GRHL1: variants seen among roughly 807,000 people sequenced by gnomAD.
GRHL1 encodes grainyhead-like protein 1 homolog.
Under a neutral mutation model 75.7 loss-of-function variants are expected in GRHL1, and 38 were observed. The ratio of observed to expected loss-of-function variants is 0.50; its 90% CI spans 0.39 to 0.66. The LOEUF is 0.66. Among genes scored for constraint, GRHL1 ranks in the 30% least tolerant of loss-of-function variants. The pLI is 0.00. For missense variants in GRHL1, 589 were observed against 767.5 expected, an observed-to-expected ratio of 0.77 and a Z score of 2.75; for synonymous variants, 266 against 279.4, an observed-to-expected ratio of 0.95 and a Z score of 0.48.
chr2:9,959,709 A>G (rs528280008), intron 3 of GRHL1: 3 of 152,366 alleles, frequency 2.0e-5, no homozygotes, highest in South Asian at 2.1e-4. Flanking sequence ...TATCAACACA[A>G]TTCCTCTTGT....
chr2:10,001,813 G>A lies in GRHL1; in HGVS notation c.*1106G>A, dbSNP rs1218413414. 6.6e-6 allele frequency: 1 copy of A among 152,300 alleles called. No homozygotes were observed. Among genetic ancestry groups the A allele is most frequent in the East Asian group, 1.9e-4 (1 of 5,196 alleles). 9.4% of individuals were successfully genotyped at this position (152,300 alleles called of 1,614,324 possible). ...AGATTGCAAGTATTGCGTACCAAGT[G>A]ATACAACTCGAAATGCAGTTCTCAT... On this transcript the variant is annotated 3_prime_UTR_variant, in exon 16 of 16. Transcript: ENST00000324907.
chr2:9,969,349 C>T (rs897359620), intron 8 of GRHL1, among the ~76,000 whole-genome samples: 1 of 152,198 alleles, frequency 6.6e-6, no homozygotes, highest in African/African-American at 2.4e-5. Flanking sequence ...AAAAAGCACC[C>T]AGTACTCCAT....
chr2:9,971,653 A>C (rs983246444), intron 8 of GRHL1, among the ~76,000 whole-genome samples: 1 of 152,230 alleles, frequency 6.6e-6, no homozygotes, highest in Non-Finnish European at 1.5e-5. Flanking sequence ...AAAATAAACA[A>C]TGAAATGTTT....
At chr2:9,979,669 T>C (rs1189589268) in intron 8 of GRHL1, among the ~76,000 whole-genome samples, 1 of 152,208 alleles carries the variant, frequency 6.6e-6, no homozygotes, top group African/African-American at 2.4e-5. Flanking sequence ...TTAAGACTAA[T>C]ATTTGGATGT....
At chr2:9,976,389 C>T (rs1044440937) in intron 8 of GRHL1, among the ~76,000 whole-genome samples, 14 of 152,174 alleles carry the variant, frequency 9.2e-5, no homozygotes, top group African/African-American at 3.1e-4. Context: ...TTGATGTCTT[C>T]TGAGCCAGGA....
intron 8 of GRHL1, among the ~76,000 whole-genome samples, chr2:9,976,019 A>C (rs2125225472): frequency 6.6e-6 from 1 of 152,292 alleles, no homozygotes; most frequent in Admixed American, 6.5e-5. Context: ...GGTGTTTTTG[A>C]GGGTCAAAGA....
chr2:10,001,752 C>G lies in GRHL1; in HGVS notation c.*1045C>G, dbSNP rs1391458889. 6.6e-6 allele frequency: 1 copy of G among 152,238 alleles called. No individual in the cohort carries two copies. The highest frequency in any genetic ancestry group is 2.4e-5 in the African/African-American group (1 of 41,454). The allele number at this position is 152,238 out of a possible 1,614,324, so 9.4% of individuals were successfully genotyped here. Reference sequence around the variant, plus strand: ...TTGTTATGCTAGTATCAGTCAGATGCACTTAGAGTGAAGAAACACTGTAAT... The same window carrying G: ...TTGTTATGCTAGTATCAGTCAGATGGACTTAGAGTGAAGAAACACTGTAAT... On this transcript the variant is annotated 3_prime_UTR_variant, in exon 16 of 16. Transcript: ENST00000324907.
At chr2:9,999,706 G>A (rs1669188621) in intron 15 of GRHL1, among the ~76,000 whole-genome samples, 1 of 152,072 alleles carries the variant, frequency 6.6e-6, no homozygotes, top group Admixed American at 6.5e-5. Flanking sequence ...GTTCTTTTTT[G>A]TCTGTCTATG....
chr2:9,955,183 T>A, intron 2 of GRHL1, 82 bp downstream of exon 2: 1 of 889,210 alleles, frequency 1.1e-6, no homozygotes, highest in Non-Finnish European at 1.7e-6. Flanking sequence ...CATTTGCTGG[T>A]AGAATGCCAT....
At chr2:9,988,498 G>A (rs977105611) in intron 9 of GRHL1, among the ~76,000 whole-genome samples, 26 of 152,036 alleles carry the variant, frequency 1.7e-4, no homozygotes, top group African/African-American at 6.0e-4. Context: ...CAGCTTCCTG[G>A]TACCTGTGTA....
intron 8 of GRHL1, among the ~76,000 whole-genome samples, chr2:9,978,408 G>C (rs1668043839): frequency 6.6e-6 from 1 of 152,190 alleles, no homozygotes; most frequent in Non-Finnish European, 1.5e-5. Flanking sequence ...ATGGAGGAAA[G>C]GGTATTTTAA....
intron 1 of GRHL1, chr2:9,952,948 C>A (rs1666855253): frequency 2.2e-6 from 1 of 450,796 alleles, no homozygotes; most frequent in Admixed American, 2.4e-5. Flanking sequence ...TTTCAGAAGT[C>A]TGAGAGATCG....
Position 9,990,966 on chromosome 2 carries a change from T to C in GRHL1, c.1321+219T>C, listed in dbSNP as rs1367388. On this transcript the variant is annotated intron_variant, in intron 10 of 15. Coordinates refer to ENST00000324907, the MANE Select transcript of GRHL1 (RefSeq NM_198182.3). This position sits in a 1 kb window ranked among gnomAD's most constrained non-coding sequence, Gnocchi z 4.2. The stretch of plus-strand genomic sequence containing the variant: ...TCCTGGGGACTACAGGATAGATCCC[T>C]GGGTTTTCCCGACCTCAGCGTTTTT... Among the ~76,000 whole-genome samples the C allele has an allele frequency of 0.26, 40,076 of 152,120 alleles. 5,644 individuals are homozygous for C. Among genetic ancestry groups the C allele is most frequent in the Admixed American group, 0.34 (5,250 of 15,284 alleles).
intron 8 of GRHL1, among the ~76,000 whole-genome samples, chr2:9,971,039 G>C (rs10176374): frequency 6.6e-6 from 1 of 151,994 alleles, no homozygotes; most frequent in East Asian, 1.9e-4. Context: ...GTAAAAGAGG[G>C]GTGTAACCAT....
At chr2:9,958,174 C>CTTTTTTTTTTTT (rs61051898) in intron 2 of GRHL1, among the ~76,000 whole-genome samples, 1 of 130,758 alleles carries the variant, frequency 7.6e-6, no homozygotes, top group Non-Finnish European at 1.6e-5. Context: ...TTCTTTTTTT[C>CTTTTTTTTTTTT]TTTTTTTTTT....
rs1558320282 is a variant in GRHL1 at position 9,998,608 on chromosome 2, A to ACATATATATGTG, written c.1678-357_1678-356insCATATATATGTG. ...TACATATATATGTACACATATATAT[A>ACATATATATGTG]TACATATATATGTACACATATACAT... is the stretch of plus-strand genomic sequence containing the variant. On this transcript the variant is annotated intron_variant, in intron 14 of 15. Transcript: ENST00000324907. Among the ~76,000 whole-genome samples the ACATATATATGTG allele has an allele frequency of 3.5e-4, 19 of 54,828 alleles. 2 individuals are homozygous for ACATATATATGTG. Among genetic ancestry groups the ACATATATATGTG allele is most frequent in the African/African-American group, 2.2e-3 (16 of 7,306 alleles). The allele number at this position is 54,828 out of a possible 152,430, so 36.0% of individuals were successfully genotyped here.
chr2:9,954,840 T>TCAAGC, intron 1 of GRHL1, 75 bp from the exon 2 acceptor site: 4 of 1,195,968 alleles, frequency 3.3e-6, no homozygotes, highest in Non-Finnish European at 4.9e-6. Flanking sequence ...TATAGGAATG[T>TCAAGC]CAAGGAATTG....
intron 8 of GRHL1, among the ~76,000 whole-genome samples, chr2:9,983,528 A>G (rs1051725101): frequency 1.3e-5 from 2 of 152,022 alleles, no homozygotes; most frequent in Non-Finnish European, 2.9e-5. Context: ...TTCTTTTTTG[A>G]ATAGAAACTT....
intron 9 of GRHL1, among the ~76,000 whole-genome samples, chr2:9,989,984 C>T (rs543494462): frequency 6.6e-5 from 10 of 152,220 alleles, no homozygotes; most frequent in African/African-American, 2.4e-4. Context: ...TAACCTTGGC[C>T]ATATAGGAGA....
Sources: allele counts gnomAD v4.1 joint callset (sites outside exome capture counted in the v4.1 genomes callset), GRCh38; gene constraint gnomAD v4.1.1; non-coding constraint Gnocchi (gnomAD v3.1); transcripts MANE v1.5; gene names NCBI Gene and HGNC (gene_info 2026-07-23, HGNC 2026-07-21).